MGST1: variants seen among roughly 807,000 people sequenced by gnomAD.
The protein encoded by MGST1 is glutathione S-transferase 12.
Under a neutral mutation model 8.9 loss-of-function variants are expected in MGST1, and 5 were observed. The observed-to-expected ratio is 0.56, with a 90% CI of 0.29 to 1.19. The LOEUF (loss-of-function observed/expected upper bound fraction) is 1.19. Among genes scored for constraint, MGST1 ranks in the 50% most tolerant of loss-of-function variants. The probability of loss-of-function intolerance (pLI) is 0.08; values close to 1 mark genes in which losing one functional copy is unlikely to be tolerated. For missense variants in MGST1, 182 were observed against 187.4 expected, an observed-to-expected ratio of 0.97 and a Z score of 0.17; for synonymous variants, 54 against 67.8, an observed-to-expected ratio of 0.80 and a Z score of 1.00.
In MGST1 at chr12:16,413,189, G is replaced by C. The variant is rs148590035; in HGVS notation, n.779-24199G>C. On this transcript the variant is annotated intron_variant and non_coding_transcript_variant, in intron 1 of 1. Coordinates refer to the MGST1 transcript ENST00000359720. This position sits in a 1 kb window ranked among gnomAD's most constrained non-coding sequence, Gnocchi z 4.0. ...GAGAACCACTATCACTGACTTTCTC[G>C]AGCCCTATTTGGCTCTGCAGGAGCT... 1.3e-5 allele frequency among the ~76,000 whole-genome samples: 2 copies of C among 152,248 alleles called. No homozygotes were observed. Among genetic ancestry groups the C allele is most frequent in the African/African-American group, 4.8e-5 (2 of 41,552 alleles).
At chr12:16,358,542 C>T (rs1210272093) in intron 3 of MGST1, among the ~76,000 whole-genome samples, 2 of 151,304 alleles carry the variant, frequency 1.3e-5, no homozygotes, top group South Asian at 2.1e-4. Context: ...TCTCGGCTCA[C>T]TGCAACCTTC....
chr12:16,554,726 G>A (rs1004069044), intron 4 of MGST1, among the ~76,000 whole-genome samples: 13 of 152,158 alleles, frequency 8.5e-5, no homozygotes, highest in Non-Finnish European at 1.8e-4. Context: ...TCCGGAGAGG[G>A]AGACCAGATT....
intron 4 of MGST1, among the ~76,000 whole-genome samples, chr12:16,483,721 G>C (rs1941380066): frequency 6.6e-6 from 1 of 152,064 alleles, no homozygotes. Context: ...AGCAAAAATG[G>C]ATGACTAAAA....
chr12:16,573,227 T>C (rs1030835442), intron 4 of MGST1, among the ~76,000 whole-genome samples: 3 of 152,098 alleles, frequency 2.0e-5, no homozygotes, highest in Non-Finnish European at 4.4e-5. Flanking sequence ...ATAAATACTA[T>C]TTGGGGGTTT....
intron 4 of MGST1, among the ~76,000 whole-genome samples, chr12:16,525,015 A>T (rs1190605208): frequency 8.4e-6 from 1 of 119,454 alleles, no homozygotes; most frequent in African/African-American, 3.2e-5. Context: ...TTAAGAAGGG[A>T]CCTTAAGAAT....
intron 1 of MGST1, among the ~76,000 whole-genome samples, chr12:16,412,156 C>A (rs1317728364): frequency 1.3e-5 from 2 of 152,102 alleles, no homozygotes; most frequent in Non-Finnish European, 2.9e-5. Context: ...TCTTATAGAT[C>A]AAATTTAAGG....
chr12:16,453,838 G>T (rs1941148962), intron 4 of MGST1, among the ~76,000 whole-genome samples: 1 of 151,826 alleles, frequency 6.6e-6, no homozygotes, highest in Admixed American at 6.6e-5. Context: ...AAGGACATCA[G>T]TCATAGTGAA....
Position 16,500,619 on chromosome 12 carries a change from A to G in MGST1, n.483-88909A>G, listed in dbSNP as rs1304235759. On this transcript the variant is annotated intron_variant and non_coding_transcript_variant, in intron 4 of 4. Coordinates refer to the MGST1 transcript ENST00000538857. The surrounding 1 kb of genome is among the most constrained non-coding windows in gnomAD (Gnocchi z 4.3). ...CAAAGATTTAGGTCAAAATTAACTT[A>G]GAGTCGTTTTTGACAAAGCAGAGAC... Among the ~76,000 whole-genome samples the G allele has an allele frequency of 3.3e-5, 5 of 152,212 alleles. No homozygotes were observed. In the East Asian group the frequency reaches 9.6e-4, roughly 29 times the overall value.
intron 4 of MGST1, among the ~76,000 whole-genome samples, chr12:16,543,814 C>A (rs1941805983): frequency 6.6e-6 from 1 of 152,064 alleles, no homozygotes; most frequent in Admixed American, 6.6e-5. Context: ...TGAATTGAGA[C>A]TAAGAAAATT....
At chr12:16,519,203 G>A (rs1591750399) in intron 4 of MGST1, among the ~76,000 whole-genome samples, 2 of 152,148 alleles carry the variant, frequency 1.3e-5, no homozygotes, top group African/African-American at 4.8e-5. Context: ...TTCCAGAGCT[G>A]CCGTGAAGCA....
chr12:16,587,099 A>AT lies in MGST1; in HGVS notation n.483-2428dup, dbSNP rs1265341008. Among the ~76,000 whole-genome samples, 42 of 152,310 alleles carry AT rather than the reference A, an allele frequency of 2.8e-4. No homozygotes were observed. Among genetic ancestry groups the AT allele is most frequent in the African/African-American group, 1.0e-3 (42 of 41,584 alleles). ...ATCTAATGCATTTAACTACCAAACT[A>AT]TGCCCACAAGGGTACTTGGACAATG... is the stretch of plus-strand genomic sequence containing the variant. On this transcript the variant is annotated intron_variant and non_coding_transcript_variant, in intron 4 of 4. Coordinates refer to the MGST1 transcript ENST00000538857. This position sits in a 1 kb window ranked among gnomAD's most constrained non-coding sequence, Gnocchi z 4.3.
At chr12:16,562,668 G>T (rs1942445371) in intron 4 of MGST1, among the ~76,000 whole-genome samples, 1 of 152,196 alleles carries the variant, frequency 6.6e-6, no homozygotes, top group Non-Finnish European at 1.5e-5. Context: ...GTTCAGTAAT[G>T]CATGGCCAGC....
At chr12:16,411,563 G>A (rs1007233448) in intron 1 of MGST1, among the ~76,000 whole-genome samples, 1 of 152,074 alleles carries the variant, frequency 6.6e-6, no homozygotes, top group Non-Finnish European at 1.5e-5. Flanking sequence ...TGACAGCATA[G>A]GTAATTCATT....
intron 4 of MGST1, among the ~76,000 whole-genome samples, chr12:16,470,337 A>T (rs1241607254): frequency 6.6e-6 from 1 of 152,232 alleles, no homozygotes; most frequent in Non-Finnish European, 1.5e-5. Flanking sequence ...ATTTACAGAA[A>T]ACAAAAGAAA....
intron 1 of MGST1, among the ~76,000 whole-genome samples, chr12:16,404,386 A>G (rs1234539480): frequency 1.3e-5 from 2 of 152,074 alleles, no homozygotes; most frequent in Admixed American, 6.5e-5. Context: ...AAAATTCAAT[A>G]TGGCAATCTT....
intron 4 of MGST1, among the ~76,000 whole-genome samples, chr12:16,520,395 A>T (rs532184565): frequency 6.6e-6 from 1 of 152,288 alleles, no homozygotes; most frequent in Non-Finnish European, 1.5e-5. Context: ...TATAATAAAT[A>T]TAATAACTGT....
chr12:16,392,282 CGAT>C (rs1565445873), intron 1 of MGST1, among the ~76,000 whole-genome samples: 1 of 152,112 alleles, frequency 6.6e-6, no homozygotes, highest in African/African-American at 2.4e-5. Context: ...CTTCACATGA[CGAT>C]GATTGTGTAA....
chr12:16,465,125 G>T (rs1323771504), intron 4 of MGST1, among the ~76,000 whole-genome samples: 3 of 152,212 alleles, frequency 2.0e-5, no homozygotes, highest in Non-Finnish European at 4.4e-5. Context: ...TTAAATTTGA[G>T]TAATGGCAAG....
At chr12:16,405,639 A>G (rs2137067291) in intron 1 of MGST1, among the ~76,000 whole-genome samples, 1 of 152,298 alleles carries the variant, frequency 6.6e-6, no homozygotes, top group Admixed American at 6.5e-5. Flanking sequence ...AATATCCTTG[A>G]TGAACATTGA....
Sources: gnomAD v4.1 joint callset for allele counts (sites outside exome capture counted in the v4.1 genomes callset) on GRCh38, gnomAD v4.1.1 for gene constraint, Gnocchi (gnomAD v3.1) non-coding constraint, MANE v1.5 for transcripts, NCBI Gene and HGNC (gene_info 2026-07-23, HGNC 2026-07-21) for gene names.